The following RGS6 variants were observed in gnomAD, a reference collection of about 807,000 sequenced individuals.
RGS6 encodes the protein regulator of G protein signaling 6.
RGS6 carries 30 observed loss-of-function variants against 78.5 expected under a neutral mutation model. The observed-to-expected ratio is 0.38, with a 90% CI of 0.29 to 0.52. The LOEUF (loss-of-function observed/expected upper bound fraction) is 0.52, where lower values mean the gene tolerates loss of function less well. RGS6 is among the 20% of genes least tolerant of loss of function. RGS6 has a pLI of 0.85. For missense variants in RGS6, 495 were observed against 609.7 expected, an observed-to-expected ratio of 0.81 and a Z score of 1.98; for synonymous variants, 206 against 206.0, an observed-to-expected ratio of 1.00 and a Z score of 0.00.
chr14:71,952,287 C>A (rs1178694675), intron 1 of RGS6, among the ~76,000 whole-genome samples: 1 of 152,042 alleles, frequency 6.6e-6, no homozygotes, highest in African/African-American at 2.4e-5. Context: ...TCAGATCAAG[C>A]AAGCCCCCTT....
the RGS6 span, among the ~76,000 whole-genome samples, chr14:72,599,955 G>A: frequency 1.3e-5 from 2 of 152,244 alleles, no homozygotes; most frequent in Admixed American, 1.3e-4. Flanking sequence ...GCCTCAGGGG[G>A]ACTTCCAGAG....
chr14:72,249,897 A>G (rs2055194494), intron 2 of RGS6, among the ~76,000 whole-genome samples: 1 of 152,086 alleles, frequency 6.6e-6, no homozygotes, highest in African/African-American at 2.4e-5. Flanking sequence ...ACACCATGGA[A>G]TACTATACAG....
downstream of RGS6, among the ~76,000 whole-genome samples, chr14:72,569,443 G>A (rs1214085629): frequency 2.0e-5 from 3 of 152,264 alleles, no homozygotes; most frequent in East Asian, 5.8e-4. Context: ...ACTTTGGGAG[G>A]CCGAGGTGGG....
the RGS6 span, among the ~76,000 whole-genome samples, chr14:72,575,580 G>T: frequency 2.0e-4 from 30 of 152,136 alleles, no homozygotes; most frequent in Admixed American, 2.0e-3. Context: ...GCCTGCAGAA[G>T]GACATCTGGA....
the RGS6 span, among the ~76,000 whole-genome samples, chr14:72,590,130 C>T: frequency 6.6e-6 from 1 of 152,064 alleles, no homozygotes; most frequent in African/African-American, 2.4e-5. Flanking sequence ...TTAAAAAGGC[C>T]AACAATACCA....
intron 2 of RGS6, among the ~76,000 whole-genome samples, chr14:72,024,139 A>T (rs535304536): frequency 1.9e-5 from 2 of 105,348 alleles, no homozygotes; most frequent in East Asian, 6.7e-4. Context: ...AGAAGTTGAG[A>T]GGCTTTGTAA....
chr14:71,991,402 C>A (rs555777930), intron 2 of RGS6, among the ~76,000 whole-genome samples: 1 of 152,172 alleles, frequency 6.6e-6, no homozygotes, highest in Non-Finnish European at 1.5e-5. Context: ...GACAAGAAGA[C>A]AAACCAATAT....
At chr14:72,605,428 A>G in the RGS6 span, among the ~76,000 whole-genome samples, 1 of 152,224 alleles carries the variant, frequency 6.6e-6, no homozygotes, top group Non-Finnish European at 1.5e-5. Flanking sequence ...AATGAGGCTC[A>G]CAGCTGTAAT....
At chr14:72,072,744 A>T (rs1363598438) in intron 2 of RGS6, among the ~76,000 whole-genome samples, 1 of 152,246 alleles carries the variant, frequency 6.6e-6, no homozygotes, top group Non-Finnish European at 1.5e-5. Flanking sequence ...GCAACTTAAT[A>T]TATGTCTTAC....
intron 3 of RGS6, among the ~76,000 whole-genome samples, chr14:72,432,428 G>A (rs571012829): frequency 2.0e-3 from 311 of 152,326 alleles, no homozygotes; most frequent in Admixed American, 7.6e-3. Flanking sequence ...GAGTAAAGAC[G>A]TGTCCCAAGT....
intron 3 of RGS6, among the ~76,000 whole-genome samples, chr14:72,426,209 A>G (rs1431045106): frequency 4.6e-5 from 7 of 152,192 alleles, no homozygotes; most frequent in Non-Finnish European, 1.0e-4. Context: ...TAAGCCCTTA[A>G]CATAATTCTT....
intron 14 of RGS6, among the ~76,000 whole-genome samples, chr14:72,512,610 A>C (rs559316083): frequency 1.6e-4 from 24 of 152,352 alleles, no homozygotes; most frequent in African/African-American, 4.8e-4. Context: ...CCCCTGCTCC[A>C]TGACAGGAAA....
chr14:72,075,881 T>C (rs1417910300), intron 2 of RGS6, among the ~76,000 whole-genome samples: 1 of 152,232 alleles, frequency 6.6e-6, no homozygotes, highest in African/African-American at 2.4e-5. Context: ...CAGTTGTCTC[T>C]ATTCGTCTGA....
In RGS6 at chr14:72,153,375, G is replaced by C. The variant is rs181549765; in HGVS notation, c.84+188500G>C. Among the ~76,000 whole-genome samples, 677 of 152,328 alleles carry C rather than the reference G, an allele frequency of 4.4e-3. 7 individuals carry two copies. The highest frequency in any genetic ancestry group is 4.4e-3 in the Non-Finnish European group (302 of 68,030). ...CCAGTTGCACAAAGCAGAGTGTGAAGAGTGATGGGAGATGAAGGCTGTTTG... is the reference window on the plus strand; with the variant it reads ...CCAGTTGCACAAAGCAGAGTGTGAACAGTGATGGGAGATGAAGGCTGTTTG... On this transcript the variant is annotated intron_variant, in intron 2 of 17. Transcript: ENST00000553525.
At chr14:72,256,249 G>A (rs1361642641) in intron 2 of RGS6, among the ~76,000 whole-genome samples, 2 of 152,160 alleles carry the variant, frequency 1.3e-5, no homozygotes, top group Non-Finnish European at 2.9e-5. Context: ...AAATCATTGA[G>A]GTCTTCATGC....
chr14:72,299,588 C>T (rs1320591036), intron 2 of RGS6, among the ~76,000 whole-genome samples: 2 of 152,216 alleles, frequency 1.3e-5, no homozygotes, highest in African/African-American at 4.8e-5. Flanking sequence ...CCATTTTAGA[C>T]TTTCACCAGC....
chr14:72,265,092 T>A (rs371590789), intron 2 of RGS6, among the ~76,000 whole-genome samples: 2 of 152,332 alleles, frequency 1.3e-5, no homozygotes, highest in South Asian at 2.1e-4. Flanking sequence ...TCATTAGAAT[T>A]GTGAAAATTC....
chr14:72,099,309 G>A (rs1170533304), intron 2 of RGS6, among the ~76,000 whole-genome samples: 3 of 152,062 alleles, frequency 2.0e-5, no homozygotes, highest in African/African-American at 7.2e-5. Context: ...ACAGGTACCA[G>A]CCTCCATGCC....
intron 2 of RGS6, among the ~76,000 whole-genome samples, chr14:71,991,793 C>A (rs993271567): frequency 1.3e-5 from 2 of 152,142 alleles, no homozygotes; most frequent in African/African-American, 4.8e-5. Flanking sequence ...TCTAGACCAG[C>A]AATTGGATCA....
Sources: allele counts gnomAD v4.1 joint callset (sites outside exome capture counted in the v4.1 genomes callset), GRCh38; gene constraint gnomAD v4.1.1; transcripts MANE v1.5; gene names NCBI Gene and HGNC (gene_info 2026-07-23, HGNC 2026-07-21).